MSRB2: variants seen among roughly 807,000 people sequenced by gnomAD.
MSRB2 encodes the protein methionine sulfoxide reductase B2.
In MSRB2, 17 loss-of-function variants were observed where a neutral mutation model predicts 19.0. The ratio of observed to expected loss-of-function variants is 0.89; its 90% confidence interval spans 0.61 to 1.34. The LOEUF (loss-of-function observed/expected upper bound fraction) is 1.34, where lower values mean the gene tolerates loss of function less well. MSRB2 is among the 40% of genes most tolerant of loss of function. The pLI is 0.00. For missense variants in MSRB2, 208 were observed against 237.6 expected (o/e 0.88, Z 0.82); for synonymous variants, 107 against 99.7 (o/e 1.07, Z -0.44).
intron 3 of MSRB2, among the ~76,000 whole-genome samples, chr10:23,111,870 T>G (rs193064644): frequency 3.6e-5 from 5 of 139,100 alleles, no homozygotes; most frequent in African/African-American, 1.5e-4. Flanking sequence ...AAACTTAAAT[T>G]TAATTTTAAT....
chr10:23,104,026 AGAGG>A, intron 1 of MSRB2, 114 bp from the exon 2 acceptor site: 1 of 652,164 alleles, frequency 1.5e-6, no homozygotes, highest in East Asian at 3.1e-5. Flanking sequence ...CGTGGGAGAG[AGAGG>A]AAGGGACTGG....
chr10:23,118,161 C>G (rs1840133684), intron 3 of MSRB2, among the ~76,000 whole-genome samples: 1 of 152,158 alleles, frequency 6.6e-6, no homozygotes. Context: ...TCAGCAATCC[C>G]TATTAATTTT....
At chr10:23,100,500 A>G (rs998456355) in intron 1 of MSRB2, among the ~76,000 whole-genome samples, 3 of 152,180 alleles carry the variant, frequency 2.0e-5, no homozygotes, top group Admixed American at 2.0e-4. Context: ...TAATTGGCTT[A>G]CGGTTCCACA....
At chr10:23,118,339 T>TG (rs1250043060) in intron 3 of MSRB2, among the ~76,000 whole-genome samples, 1 of 85,362 alleles carries the variant, frequency 1.2e-5, no homozygotes, top group Non-Finnish European at 2.9e-5. Flanking sequence ...AGTTTTTTGT[T>TG]TTTTTTTTTT....
intron 3 of MSRB2, among the ~76,000 whole-genome samples, chr10:23,114,371 T>C (rs1335262603): frequency 6.8e-6 from 1 of 147,278 alleles, no homozygotes; most frequent in African/African-American, 2.5e-5. Flanking sequence ...AAAAAAAAGC[T>C]GTGATTATGA....
In MSRB2 at chr10:23,121,643, A is replaced by G. The variant is rs1342429267; in HGVS notation, c.*781A>G. 2 of 152,164 alleles carry G rather than the reference A, an allele frequency of 1.3e-5. No individual in the cohort carries two copies. Among genetic ancestry groups the G allele is most frequent in the Admixed American group, 1.3e-4 (2 of 15,276 alleles). The allele number at this position is 152,164 out of a possible 1,614,324, so 9.4% of individuals were successfully genotyped here. A position where few individuals can be genotyped will look rare whatever the true frequency, so the allele number is the denominator to read the frequency against. ...AACATCAGGAGGCTGATGGACTATTAAGCCAAACAATTCCTACAAAAATTC... is the reference window on the plus strand; with the variant it reads ...AACATCAGGAGGCTGATGGACTATTGAGCCAAACAATTCCTACAAAAATTC... On this transcript the variant is annotated 3_prime_UTR_variant, in exon 5 of 5. Coordinates refer to ENST00000376510, the MANE Select transcript of MSRB2 (RefSeq NM_012228.4).
intron 3 of MSRB2, among the ~76,000 whole-genome samples, chr10:23,113,235 C>T (rs569171041): frequency 6.6e-6 from 1 of 152,282 alleles, no homozygotes; most frequent in East Asian, 1.9e-4. Flanking sequence ...CCTTTGAGCT[C>T]CCTGCTCCAG....
intron 3 of MSRB2, among the ~76,000 whole-genome samples, chr10:23,117,831 T>G (rs905165164): frequency 4.6e-5 from 7 of 152,190 alleles, no homozygotes; most frequent in Non-Finnish European, 1.0e-4. Flanking sequence ...GCTCAAGTGA[T>G]CCACCCGCTT....
chr10:23,098,384 T>G, intron 1 of MSRB2, among the ~76,000 whole-genome samples: 1 of 152,204 alleles, frequency 6.6e-6, no homozygotes, highest in Non-Finnish European at 1.5e-5. Flanking sequence ...GTAGAACTTC[T>G]GACCAACAAA....
rs142627669 is a variant in MSRB2, at chr10:23,104,000, C to G, written c.119-144C>G. 4.6e-4 allele frequency: 236 copies of G among 518,542 alleles called. 1 individual carries two copies. Among genetic ancestry groups the G allele is most frequent in the African/African-American group, 3.8e-3 (192 of 50,878 alleles). The allele number at this position is 518,542 out of a possible 1,614,324, so 32.1% of individuals were successfully genotyped here. A position where few individuals can be genotyped will look rare whatever the true frequency, so the allele number is the denominator to read the frequency against. On this transcript the variant is annotated intron_variant, in intron 1 of 4. Transcript: ENST00000376510. ...ATTTTGTGCCTGAGCCTTCTGGTCC[C>G]CATGAAGAATAAACTCGTGGGAGAG...
intron 3 of MSRB2, among the ~76,000 whole-genome samples, chr10:23,110,921 T>TA (rs1348503496): frequency 1.3e-5 from 2 of 151,916 alleles, no homozygotes; most frequent in African/African-American, 2.4e-5. Context: ...GAAACAGTCT[T>TA]AAAAAAAAGT....
intron 1 of MSRB2, among the ~76,000 whole-genome samples, chr10:23,099,178 G>T (rs898320474): frequency 2.6e-5 from 4 of 152,176 alleles, no homozygotes; most frequent in African/African-American, 9.7e-5. Context: ...GGCGGGCAGG[G>T]AGTGTCACAA....
chr10:23,115,514 T>C (rs755266282), intron 3 of MSRB2, among the ~76,000 whole-genome samples: 1 of 152,212 alleles, frequency 6.6e-6, no homozygotes, highest in African/African-American at 2.4e-5. Flanking sequence ...TTGTCAGTTA[T>C]CACCAAGTGC....
chr10:23,098,005 G>A (rs1403542735), intron 1 of MSRB2, among the ~76,000 whole-genome samples: 1 of 152,068 alleles, frequency 6.6e-6, no homozygotes, highest in African/African-American at 2.4e-5. Context: ...GATTGACAAA[G>A]AGCAAACTGA....
chr10:23,101,849 A>C (rs1314123389), intron 1 of MSRB2, among the ~76,000 whole-genome samples: 1 of 152,212 alleles, frequency 6.6e-6, no homozygotes, highest in East Asian at 1.9e-4. Context: ...GAATAATTTT[A>C]GATTTATAGA....
chr10:23,110,640 A>C (rs1231654734), intron 3 of MSRB2, among the ~76,000 whole-genome samples: 2 of 150,314 alleles, frequency 1.3e-5, no homozygotes, highest in Non-Finnish European at 3.0e-5. Context: ...TTTTTTTTAG[A>C]GGGAAAGTAT....
chr10:23,110,161 T>G, intron 2 of MSRB2, 81 bp from the exon 3 acceptor site: 1 of 1,074,932 alleles, frequency 9.3e-7, no homozygotes, highest in Non-Finnish European at 1.4e-6. Flanking sequence ...TTTGGGGACT[T>G]ACCCAGGATT....
intron 2 of MSRB2, among the ~76,000 whole-genome samples, chr10:23,106,174 T>A (rs139107572): frequency 1.6e-4 from 25 of 152,374 alleles, no homozygotes; most frequent in African/African-American, 5.8e-4. Context: ...TCATTCATTA[T>A]TTTAACTAAT....
chr10:23,111,297 G>C (rs1231956539), intron 3 of MSRB2, among the ~76,000 whole-genome samples: 1 of 152,206 alleles, frequency 6.6e-6, no homozygotes, highest in East Asian at 1.9e-4. Context: ...TAAAATGTGG[G>C]ACTCAGGTTT....
Sources: gnomAD v4.1 joint callset for allele counts (sites outside exome capture counted in the v4.1 genomes callset) on GRCh38, gnomAD v4.1.1 for gene constraint, MANE v1.5 for transcripts, NCBI Gene and HGNC (gene_info 2026-07-23, HGNC 2026-07-21) for gene names.